INTS7: variants seen among roughly 807,000 people sequenced by gnomAD.
The protein encoded by INTS7 is integrator complex subunit 7.
INTS7 carries 46 observed loss-of-function variants against 109.2 expected under a neutral mutation model. The ratio of observed to expected loss-of-function variants is 0.42; its 90% confidence interval spans 0.33 to 0.54. The LOEUF is 0.54. Ranked by LOEUF, INTS7 falls within the 20% of genes least tolerant of loss-of-function variation. INTS7 has a pLI of 0.07. For missense variants in INTS7, 929 were observed against 1,132.4 expected, an observed-to-expected ratio of 0.82 and a Z score of 2.58; for synonymous variants, 412 against 402.9, an observed-to-expected ratio of 1.02 and a Z score of -0.27.
chr1:212,007,429 A>T lies in INTS7; in HGVS notation c.577T>A (p.Leu193Met). The T allele has an allele frequency of 6.2e-7, 1 of 1,613,532 alleles. No homozygotes were observed. Among genetic ancestry groups the T allele is most frequent in the Non-Finnish European group, 8.5e-7 (1 of 1,179,490 alleles). The change falls in exon 6 of 20, where the codon TTG becomes ATG. Residue 193 changes from leucine (L) to methionine (M), a missense_variant. Leu to Met is a conservative substitution (Grantham distance 15). Around this residue, in one of 2 missense-constraint regions of INTS7, gnomAD observed 142 missense variants for 231.4 expected, o/e 0.61. Transcript: ENST00000366994. ...MIQGLATPVDLKLKLIPILQH... is the reference protein window; with the variant it reads ...MIQGLATPVDMKLKLIPILQH... Reference sequence around the variant, plus strand: ...AGAATGGGTATCAATTTTAGCTTCAAGTCTACTGGTGTCGCTAAACCTAGA... The same window carrying T: ...AGAATGGGTATCAATTTTAGCTTCATGTCTACTGGTGTCGCTAAACCTAGA...
At chr1:212,006,589 TATA>T (rs751092069) in intron 7 of INTS7, 47 bp downstream of exon 7, 5 of 942,156 alleles carry the variant, frequency 5.3e-6, no homozygotes, top group South Asian at 2.6e-5. Flanking sequence ...TTTACTATAT[TATA>T]ATGTTATATT....
intron 14 of INTS7, 21 bp downstream of exon 14, chr1:211,968,492 G>A: frequency 6.3e-7 from 1 of 1,587,570 alleles, no homozygotes; most frequent in Non-Finnish European, 8.6e-7. Flanking sequence ...AATAAAAAAT[G>A]CACTGAAAGT....
chr1:211,997,289 A>T (rs1207971210), intron 7 of INTS7, among the ~76,000 whole-genome samples: 1 of 152,056 alleles, frequency 6.6e-6, no homozygotes, highest in Admixed American at 6.6e-5. Flanking sequence ...TCATGCCTGG[A>T]ATCCTAGCAC....
At chr1:212,026,056 T>C (rs1186270662) in intron 1 of INTS7, among the ~76,000 whole-genome samples, 1 of 151,988 alleles carries the variant, frequency 6.6e-6, no homozygotes, top group African/African-American at 2.4e-5. Context: ...GGCTGAGGCA[T>C]GAGAACTGCT....
intron 10 of INTS7, 82 bp from the exon 11 acceptor site, chr1:211,978,593 C>T (rs1271885808): frequency 6.7e-7 from 1 of 1,491,964 alleles, no homozygotes; most frequent in South Asian, 1.2e-5. Context: ...GTACAGGTTA[C>T]TGGGGAAACT....
chr1:211,948,242 T>C (rs148419405), intron 17 of INTS7, among the ~76,000 whole-genome samples: 36 of 152,364 alleles, frequency 2.4e-4, no homozygotes, highest in African/African-American at 8.4e-4. Context: ...TTGAACATTT[T>C]GTGCCCAACA....
intron 4 of INTS7, among the ~76,000 whole-genome samples, chr1:212,012,497 G>GT (rs1666205009): frequency 6.6e-6 from 1 of 152,150 alleles, no homozygotes; most frequent in Non-Finnish European, 1.5e-5. Flanking sequence ...GCTCACACCT[G>GT]TAATCCCAGC....
intron 8 of INTS7, among the ~76,000 whole-genome samples, chr1:211,983,555 G>T (rs1001991762): frequency 6.6e-6 from 1 of 152,152 alleles, no homozygotes; most frequent in Admixed American, 6.6e-5. Flanking sequence ...AACTGAATAA[G>T]CTTCAAGAAA....
Position 212,007,432 on chromosome 1 carries a change from C to A in INTS7, c.574G>T (p.Asp192Tyr). ...ATGGGTATCAATTTTAGCTTCAAGT[C>A]TACTGGTGTCGCTAAACCTAGACAC... ...EMIQGLATPV[D>Y]LKLKLIPILQ... The change falls in exon 6 of 20, where the codon GAC becomes TAC. Residue 192 changes from aspartate to tyrosine, a missense_variant. Physicochemically the swap from Asp to Tyr is radical, Grantham distance 160. Around this residue, in one of 2 missense-constraint regions of INTS7, gnomAD observed 142 missense variants for 231.4 expected, o/e 0.61. Coordinates refer to ENST00000366994, the MANE Select transcript of INTS7 (RefSeq NM_015434.4). The A allele has an allele frequency of 6.2e-7, 1 of 1,613,316 alleles. No individual in the cohort carries two copies. Among genetic ancestry groups the A allele is most frequent in the Non-Finnish European group, 8.5e-7 (1 of 1,179,302 alleles).
At chr1:212,005,583 T>C (rs1254654491) in intron 7 of INTS7, among the ~76,000 whole-genome samples, 2 of 152,226 alleles carry the variant, frequency 1.3e-5, no homozygotes, top group Admixed American at 1.3e-4. Flanking sequence ...GGAATAATAC[T>C]GTGCTTCTCA....
At chr1:211,967,424 C>A (rs1663938585) in intron 15 of INTS7, among the ~76,000 whole-genome samples, 1 of 145,312 alleles carries the variant, frequency 6.9e-6, no homozygotes, top group Non-Finnish European at 1.5e-5. Flanking sequence ...TGCACTCCAG[C>A]CTGGGCAACA....
At chr1:212,023,145 A>G (rs138492418) in intron 1 of INTS7, among the ~76,000 whole-genome samples, 2 of 152,238 alleles carry the variant, frequency 1.3e-5, no homozygotes, top group African/African-American at 4.8e-5. Flanking sequence ...TCTTTATCCA[A>G]TCCATGACTG....
intron 1 of INTS7, among the ~76,000 whole-genome samples, chr1:212,024,526 T>A (rs1183515170): frequency 6.6e-6 from 1 of 152,182 alleles, no homozygotes; most frequent in Non-Finnish European, 1.5e-5. Context: ...TTTATCCAAA[T>A]GAAATGAAAA....
intron 1 of INTS7, among the ~76,000 whole-genome samples, chr1:212,034,000 T>G (rs907021728): frequency 6.6e-6 from 1 of 152,030 alleles, no homozygotes. Flanking sequence ...GGAGAACCGT[T>G]TGAACTCGGG....
At chr1:212,011,279 G>A (rs904785215) in intron 5 of INTS7, 96 bp downstream of exon 5, 6 of 658,030 alleles carry the variant, frequency 9.1e-6, no homozygotes, top group Non-Finnish European at 1.6e-5. Context: ...TTATTTGAAT[G>A]TATGGTGACT....
chr1:211,964,041 G>A (rs951339877), intron 16 of INTS7, among the ~76,000 whole-genome samples: 7 of 152,112 alleles, frequency 4.6e-5, no homozygotes, highest in African/African-American at 1.7e-4. Context: ...TAAGAAGAGA[G>A]GAAGTCCAAC....
chr1:212,015,710 T>TAAAAAAAA (rs58204818), intron 4 of INTS7, among the ~76,000 whole-genome samples: 7 of 34,974 alleles, frequency 2.0e-4, no homozygotes, highest in South Asian at 2.4e-3. Flanking sequence ...CAATAAATAC[T>TAAAAAAAA]AAAAAAAAAA....
intron 8 of INTS7, among the ~76,000 whole-genome samples, chr1:211,983,834 G>A (rs1180350964): frequency 6.8e-6 from 1 of 146,822 alleles, no homozygotes; most frequent in Admixed American, 7.0e-5. Flanking sequence ...GTGTTTTTTG[G>A]GTTTTTGTTT....
At chr1:211,983,321 A>G (rs1297583240) in intron 8 of INTS7, among the ~76,000 whole-genome samples, 5 of 152,176 alleles carry the variant, frequency 3.3e-5, no homozygotes, top group Non-Finnish European at 7.4e-5. Context: ...CTATTTTTAC[A>G]GGTGGAATCA....
Sources: allele counts gnomAD v4.1 joint callset (sites outside exome capture counted in the v4.1 genomes callset), GRCh38; gene constraint gnomAD v4.1.1; regional missense constraint gnomAD v4.1.1; transcripts MANE v1.5; gene names NCBI Gene and HGNC (gene_info 2026-07-23, HGNC 2026-07-21).